MYB: variants seen among roughly 807,000 people sequenced by gnomAD.
MYB encodes the protein transcriptional activator Myb.
Under a neutral mutation model 92.9 loss-of-function variants are expected in MYB, and 28 were observed. That is an observed-to-expected ratio of 0.30 (90% confidence interval 0.22 to 0.41). MYB has a LOEUF of 0.41. Among genes scored for constraint, MYB ranks in the 10% least tolerant of loss-of-function variants. The probability of loss-of-function intolerance (pLI) is 1.00; values close to 1 mark genes in which losing one functional copy is unlikely to be tolerated. For synonymous variants in MYB, 295 were observed against 329.1 expected (o/e 0.90, Z 1.12); for missense variants, 679 against 929.3 (o/e 0.73, Z 3.50).
intron 5 of MYB, among the ~76,000 whole-genome samples, chr6:135,191,901 C>T (rs1490683180): frequency 6.6e-6 from 1 of 152,156 alleles, no homozygotes; most frequent in African/African-American, 2.4e-5. Flanking sequence ...TCTTATCATC[C>T]ACCAGACTTC....
rs55959911 is a variant in MYB at position 135,208,763 on chromosome 6, T to A, written c.2169+5439T>A. Among the ~76,000 whole-genome samples the A allele has an allele frequency of 5.5e-4, 84 of 152,308 alleles. 1 individual carries two copies. In the East Asian group the frequency reaches 0.016, roughly 29 times the overall value. On this transcript the variant is annotated intron_variant, in intron 15 of 15. Coordinates refer to ENST00000341911, the MANE Select transcript of MYB (RefSeq NM_001130173.2). Reference sequence around the variant, plus strand: ...GATGTGTCTCTAAAAATAGACATTTTTATATATAACCTAATACCATCATTA... The same window carrying A: ...GATGTGTCTCTAAAAATAGACATTTATATATATAACCTAATACCATCATTA...
At chr6:135,189,934 A>C (rs1397476590) in intron 4 of MYB, 51 bp downstream of exon 4, 2 of 1,535,242 alleles carry the variant, frequency 1.3e-6, no homozygotes, top group African/African-American at 2.7e-5. Context: ...ATATTCCCAA[A>C]ATGCTAATAT....
chr6:135,190,493 T>A lies in MYB; in HGVS notation c.527+146T>A. The A allele has an allele frequency of 1.4e-6, 1 of 690,842 alleles. No individual in the cohort carries two copies. Among genetic ancestry groups the A allele is most frequent in the Non-Finnish European group, 2.4e-6 (1 of 412,246 alleles). The allele number at this position is 690,842 out of a possible 1,614,324, so 42.8% of individuals were successfully genotyped here. The stretch of plus-strand genomic sequence containing the variant: ...AACCAGCTACATAGCTTTTAGAGAT[T>A]GAAGACATCTTAGAGTTTATTTGGT... On this transcript the variant is annotated intron_variant, in intron 5 of 15. Coordinates refer to ENST00000341911, the MANE Select transcript of MYB (RefSeq NM_001130173.2). The surrounding 1 kb of genome is among the most constrained non-coding windows in gnomAD (Gnocchi z 4.5).
intron 1 of MYB, among the ~76,000 whole-genome samples, chr6:135,184,857 A>T (rs1013025288): frequency 1.3e-5 from 2 of 152,318 alleles, no homozygotes; most frequent in Admixed American, 1.3e-4. Context: ...TTTAAGTTTT[A>T]TAAGAAAAAC....
Position 135,200,407 on chromosome 6 carries a change from A to C in MYB, c.1942A>C (p.Lys648Gln). ...ENGPPLLKKI[K>Q]QEVESPTDKS... ...TGGACCACCCTTACTGAAGAAAATCAAACAAGAGGTAAACACGCAACCCTT... is the reference window on the plus strand; with the variant it reads ...TGGACCACCCTTACTGAAGAAAATCCAACAAGAGGTAAACACGCAACCCTT... The change falls in exon 13 of 16, where the codon AAA (lysine) becomes CAA (glutamine). Residue 648 changes from lysine (K) to glutamine (Q), a missense_variant. Lys to Gln is a moderately conservative substitution (Grantham distance 53). Around this residue, in one of 8 missense-constraint regions of MYB, gnomAD observed 402 missense variants for 434.2 expected, o/e 0.93. Transcript: ENST00000341911. 2 of 1,614,162 alleles carry C rather than the reference A, an allele frequency of 1.2e-6. No individual in the cohort carries two copies. The highest frequency in any genetic ancestry group is 1.7e-6 in the Non-Finnish European group (2 of 1,180,026).
At position 135,190,401 on chromosome 6, in the gene MYB, G is replaced by T; in HGVS notation, c.527+54G>T. ...CGGGAAGAATGAGGGAGTGGGTATTGAACATTCTGCTTTAAATGTATGGTG... is the reference window on the plus strand; with the variant it reads ...CGGGAAGAATGAGGGAGTGGGTATTTAACATTCTGCTTTAAATGTATGGTG... On this transcript the variant is annotated intron_variant, in intron 5 of 15. Transcript: ENST00000341911. This position sits in a 1 kb window ranked among gnomAD's most constrained non-coding sequence, Gnocchi z 4.5. The T allele has an allele frequency of 7.3e-7, 1 of 1,372,736 alleles. No individual in the cohort carries two copies. Among genetic ancestry groups the T allele is most frequent in the South Asian group, 1.2e-5 (1 of 82,172 alleles). 85.0% of individuals were successfully genotyped at this position (1,372,736 alleles called of 1,614,324 possible).
chr6:135,217,309 C>T (rs997873086), intron 15 of MYB, among the ~76,000 whole-genome samples: 4 of 151,194 alleles, frequency 2.6e-5, no homozygotes, highest in African/African-American at 7.3e-5. Flanking sequence ...GCTGAGGCTA[C>T]AGTGAGCTGT....
At position 135,201,660 on chromosome 6, in the gene MYB, T is replaced by G; in HGVS notation, c.1972T>G (p.Ser658Ala). ...TTAGGTGGAATCTCCAACTGATAAA[T>G]CAGGAAACTTCTTCTGCTCACACCA... ...KQEVESPTDK[S>A]GNFFCSHHWE... The change falls in exon 14 of 16, where the codon TCA becomes GCA. Residue 658 changes from serine to alanine, a missense_variant. Transcript: ENST00000341911. 1 of 1,604,684 alleles carries G rather than the reference T, an allele frequency of 6.2e-7. No homozygotes were observed. Among genetic ancestry groups the G allele is most frequent in the Middle Eastern group, 1.7e-4 (1 of 6,036 alleles).
At chr6:135,185,337 C>A (rs1030594648) in intron 1 of MYB, among the ~76,000 whole-genome samples, 1 of 152,180 alleles carries the variant, frequency 6.6e-6, no homozygotes, top group African/African-American at 2.4e-5. Flanking sequence ...AAAATCCTTT[C>A]CTCTTAGATT....
rs1329691068 is a variant in MYB, at chr6:135,218,303, AT to A, written c.*329del. 3.5e-5 allele frequency: 10 copies of A among 284,756 alleles called. No individual in the cohort carries two copies. Among genetic ancestry groups the A allele is most frequent in the Middle Eastern group, 1.0e-3 (1 of 960 alleles). 17.6% of individuals were successfully genotyped at this position (284,756 alleles called of 1,614,324 possible). ...ATTTTAAAGGATCCAACAGATCAGT[AT>A]TTTTTCCTGTGATGGGTTTTTTGAA... On this transcript the variant is annotated 3_prime_UTR_variant, in exon 16 of 16. Transcript: ENST00000341911.
intron 15 of MYB, among the ~76,000 whole-genome samples, chr6:135,205,455 A>G (rs925373480): frequency 2.0e-5 from 3 of 152,234 alleles, no homozygotes; most frequent in Admixed American, 6.5e-5. Flanking sequence ...TTACCATTAC[A>G]TAAGTTGAAA....
At chr6:135,202,999 CTTTG>C in intron 14 of MYB, 1 of 701,626 alleles carries the variant, frequency 1.4e-6, no homozygotes, top group Non-Finnish European at 2.6e-6. Context: ...CCCAAAGGAG[CTTTG>C]TGTTGTGGTG....
At chr6:135,200,818 C>T in intron 13 of MYB, 1 of 270,052 alleles carries the variant, frequency 3.7e-6, no homozygotes, top group Non-Finnish European at 7.2e-6. Context: ...GTGGCTCATA[C>T]CTGTAATCCC....
At chr6:135,183,184 G>C (rs932057276) in intron 1 of MYB, among the ~76,000 whole-genome samples, 2 of 151,914 alleles carry the variant, frequency 1.3e-5, no homozygotes, top group Non-Finnish European at 2.9e-5. Flanking sequence ...GAGGCGGCTG[G>C]GAGGGGCGGG....
intron 15 of MYB, among the ~76,000 whole-genome samples, chr6:135,211,798 AT>A (rs1475930529): frequency 1.3e-5 from 2 of 152,192 alleles, no homozygotes; most frequent in South Asian, 2.1e-4. Flanking sequence ...TCCAATCACC[AT>A]CTCGATTTTT....
intron 3 of MYB, among the ~76,000 whole-genome samples, 169 bp from the exon 4 acceptor site, chr6:135,189,622 C>T (rs1776382975): frequency 6.6e-6 from 1 of 152,188 alleles, no homozygotes; most frequent in African/African-American, 2.4e-5. Flanking sequence ...ATATTACTTG[C>T]ATGTTCTGTA....
chr6:135,211,786 C>T (rs1422050423), intron 15 of MYB, among the ~76,000 whole-genome samples: 1 of 152,180 alleles, frequency 6.6e-6, no homozygotes, highest in Non-Finnish European at 1.5e-5. Flanking sequence ...GATGAGGCAA[C>T]TTCCAATCAC....
chr6:135,217,172 C>A (rs1780565994), intron 15 of MYB, among the ~76,000 whole-genome samples: 1 of 152,024 alleles, frequency 6.6e-6, no homozygotes, highest in African/African-American at 2.4e-5. Context: ...AGTTCAAGAC[C>A]AACCTGGGCA....
chr6:135,198,178 G>T (rs1388770392), intron 10 of MYB, among the ~76,000 whole-genome samples: 2 of 152,212 alleles, frequency 1.3e-5, no homozygotes, highest in Non-Finnish European at 2.9e-5. Flanking sequence ...ATAGTGGCAT[G>T]GGCCTGTAGT....
Sources: allele counts gnomAD v4.1 joint callset (sites outside exome capture counted in the v4.1 genomes callset), GRCh38; gene constraint gnomAD v4.1.1; regional missense constraint gnomAD v4.1.1; non-coding constraint Gnocchi (gnomAD v3.1); transcripts MANE v1.5; gene names NCBI Gene and HGNC (gene_info 2026-07-23, HGNC 2026-07-21).